The following SLC2A9 variants were observed in gnomAD, a reference collection of about 807,000 sequenced individuals.
SLC2A9 encodes the protein solute carrier family 2, facilitated glucose transporter member 9.
Under a neutral mutation model 50.6 loss-of-function variants are expected in SLC2A9, and 39 were observed. The observed-to-expected ratio is 0.77, with a 90% CI of 0.60 to 1.01. The LOEUF is 1.01. SLC2A9 is among the 50% of genes least tolerant of loss of function. SLC2A9 has a pLI of 0.00. For synonymous variants in SLC2A9, 324 were observed against 276.9 expected (o/e 1.17, Z -1.69); for missense variants, 686 against 677.6 (o/e 1.01, Z -0.14).
chr4:10,022,421 G>A (rs374216151), upstream of SLC2A9, among the ~76,000 whole-genome samples: 10 of 152,388 alleles, frequency 6.6e-5, no homozygotes, highest in East Asian at 1.5e-3. Context: ...GAGGGGACAT[G>A]TCCTGTATTC....
intron 10 of SLC2A9, among the ~76,000 whole-genome samples, chr4:9,846,928 A>G (rs1729084922): frequency 6.6e-6 from 1 of 152,160 alleles, no homozygotes; most frequent in Non-Finnish European, 1.5e-5. Flanking sequence ...AATCCTTTAG[A>G]TATATTTTCT....
At chr4:9,835,318 C>T (rs1211212702) in intron 10 of SLC2A9, among the ~76,000 whole-genome samples, 1 of 152,198 alleles carries the variant, frequency 6.6e-6, no homozygotes, top group African/African-American at 2.4e-5. Context: ...CAGGTCTATA[C>T]CCTTCCTTTC....
rs374149140 is a variant in SLC2A9 at position 9,857,450 on chromosome 4, G to A, written c.1292-22442C>T. ...GCTCAGACCCTGGAATGCTGGGGCA[G>A]ATGTGGATGACTGGTTCTTTACTCC... On this transcript the variant is annotated intron_variant, in intron 10 of 11. Coordinates refer to ENST00000264784, the MANE Select transcript of SLC2A9 (RefSeq NM_020041.3). 1.2e-3 allele frequency among the ~76,000 whole-genome samples: 184 copies of A among 152,348 alleles called. 1 individual carries two copies. Among genetic ancestry groups the A allele is most frequent in the African/African-American group, 4.2e-3 (175 of 41,594 alleles).
At chr4:9,916,719 G>C (rs1742906134) in intron 7 of SLC2A9, among the ~76,000 whole-genome samples, 2 of 152,166 alleles carry the variant, frequency 1.3e-5, no homozygotes, top group African/African-American at 4.8e-5. Context: ...GGAAGGAAGG[G>C]TCATCCCAAG....
intron 6 of SLC2A9, among the ~76,000 whole-genome samples, chr4:9,937,263 G>A (rs547228796): frequency 3.3e-5 from 5 of 152,270 alleles, no homozygotes; most frequent in African/African-American, 1.2e-4. Context: ...CTGAGGGCTG[G>A]AGGCTTTGGT....
intron 5 of SLC2A9, among the ~76,000 whole-genome samples, chr4:9,976,880 C>G (rs1426557138): frequency 6.6e-6 from 1 of 152,226 alleles, no homozygotes; most frequent in East Asian, 1.9e-4. Flanking sequence ...TTTTCCCCTG[C>G]AGAGCTACTC....
chr4:9,950,526 GA>G (rs1750024802), intron 5 of SLC2A9, among the ~76,000 whole-genome samples: 1 of 152,094 alleles, frequency 6.6e-6, no homozygotes, highest in Admixed American at 6.5e-5. Context: ...AATCATCAGA[GA>G]AATGGAAATC....
intron 10 of SLC2A9, among the ~76,000 whole-genome samples, chr4:9,874,822 T>C (rs565327468): frequency 6.6e-6 from 1 of 152,282 alleles, no homozygotes; most frequent in African/African-American, 2.4e-5. Flanking sequence ...GGACGCTGTG[T>C]CTTTAGAAAT....
At chr4:9,804,652 T>C (rs1721888756) in intron 3 of SLC2A9, among the ~76,000 whole-genome samples, 2 of 152,206 alleles carry the variant, frequency 1.3e-5, no homozygotes. Flanking sequence ...AAATGCTGCA[T>C]TTTTTCCTAT....
intron 3 of SLC2A9, chr4:9,782,851 C>T: frequency 6.2e-7 from 1 of 1,612,444 alleles, no homozygotes; most frequent in Non-Finnish European, 8.5e-7. Flanking sequence ...GCTGCCGGAG[C>T]AGCGCAGCCT....
intron 5 of SLC2A9, among the ~76,000 whole-genome samples, chr4:9,973,903 A>G (rs1165060460): frequency 1.3e-5 from 2 of 152,096 alleles, no homozygotes; most frequent in Non-Finnish European, 2.9e-5. Flanking sequence ...ATCCCTGATG[A>G]ACATAGATGA....
intron 3 of SLC2A9, among the ~76,000 whole-genome samples, chr4:9,819,859 G>A (rs567513523): frequency 6.7e-4 from 102 of 151,940 alleles, no homozygotes; most frequent in African/African-American, 2.1e-3. Context: ...GCTTGAACCC[G>A]GGAGGCAGAA....
intron 10 of SLC2A9, among the ~76,000 whole-genome samples, chr4:9,853,517 C>A (rs13152172): frequency 1.3e-5 from 2 of 151,980 alleles, no homozygotes; most frequent in Non-Finnish European, 2.9e-5. Flanking sequence ...TCTTAGAGAC[C>A]TACAAGGAGA....
At chr4:9,790,950 T>G (rs1211205617) in intron 3 of SLC2A9, among the ~76,000 whole-genome samples, 1 of 152,250 alleles carries the variant, frequency 6.6e-6, no homozygotes, top group East Asian at 1.9e-4. Context: ...TCTAGATCTT[T>G]TATTAGCTTG....
At position 9,890,646 on chromosome 4, in the gene SLC2A9, G is replaced by C; in HGVS notation, c.1179C>G (p.Leu393=). The change falls in exon 9 of 12, where the codon CTC becomes CTG. Residue 393 remains leucine, a synonymous_variant. Transcript: ENST00000264784. ...LLIGGFGLMG[L]FFGTLTITLT... ...GCGTGATGGTGAGGGTCCCAAAGAA[G>C]AGGCCCATGAGCCCAAAGCCACCAA... is the stretch of plus-strand genomic sequence containing the variant. The C allele has an allele frequency of 6.2e-7, 1 of 1,614,164 alleles. No individual in the cohort carries two copies. Among genetic ancestry groups the C allele is most frequent in the Non-Finnish European group, 8.5e-7 (1 of 1,180,028 alleles).
At chr4:9,778,967 C>T (rs563436573), downstream of SLC2A9, among the ~76,000 whole-genome samples, 27 of 152,180 alleles carry the variant, frequency 1.8e-4, no homozygotes, top group African/African-American at 6.5e-4. Context: ...GGGGTTTCAC[C>T]ATGTTGGTCA....
chr4:9,791,555 A>G (rs1458849998), intron 3 of SLC2A9, among the ~76,000 whole-genome samples: 1 of 152,172 alleles, frequency 6.6e-6, no homozygotes, highest in African/African-American at 2.4e-5. Context: ...CATGGGGTGG[A>G]GGATGTGAAT....
intron 9 of SLC2A9, among the ~76,000 whole-genome samples, chr4:9,889,578 G>C (rs1197240616): frequency 6.6e-6 from 1 of 152,112 alleles, no homozygotes; most frequent in African/African-American, 2.4e-5. Context: ...ACCTCCTGCC[G>C]GTCAGCGTGC....
intron 8 of SLC2A9, among the ~76,000 whole-genome samples, chr4:9,893,774 G>A (rs1418619640): frequency 1.3e-5 from 2 of 152,182 alleles, no homozygotes; most frequent in Non-Finnish European, 2.9e-5. Flanking sequence ...TAGGAGAAAA[G>A]GCCCAGAGAT....
Sources: gnomAD v4.1 joint callset for allele counts (sites outside exome capture counted in the v4.1 genomes callset) on GRCh38, gnomAD v4.1.1 for gene constraint, MANE v1.5 for transcripts, NCBI Gene and HGNC (gene_info 2026-07-23, HGNC 2026-07-21) for gene names.